GBE1: variants seen among roughly 807,000 people sequenced by gnomAD.
The protein encoded by GBE1 is 1,4-alpha-glucan-branching enzyme.
A neutral mutation model predicts 88.8 loss-of-function variants in GBE1; 70 were observed. The observed-to-expected ratio is 0.79, with a 90% confidence interval of 0.65 to 0.96. The LOEUF (loss-of-function observed/expected upper bound fraction) is 0.96. GBE1 is among the 40% of genes least tolerant of loss of function. The probability of loss-of-function intolerance (pLI) is 0.00; values close to 1 mark genes in which losing one functional copy is unlikely to be tolerated. For synonymous variants in GBE1, 284 were observed against 300.1 expected, an observed-to-expected ratio of 0.95 and a Z score of 0.56; for missense variants, 872 against 871.0, an observed-to-expected ratio of 1.00 and a Z score of -0.01.
intron 3 of GBE1, among the ~76,000 whole-genome samples, chr3:81,669,989 C>T (rs1705167614): frequency 1.3e-5 from 2 of 151,744 alleles, no homozygotes; most frequent in African/African-American, 4.8e-5. Flanking sequence ...TAACAAATAC[C>T]AATAAAAACA....
chr3:81,750,524 C>CAT lies in GBE1; in HGVS notation c.143+10849_143+10850dup, dbSNP rs200708858. 1.2e-3 allele frequency among the ~76,000 whole-genome samples: 108 copies of CAT among 93,866 alleles called. 4 individuals are homozygous for CAT. Among genetic ancestry groups the CAT allele is most frequent in the Middle Eastern group, 4.9e-3 (1 of 206 alleles). The allele number at this position is 93,866 out of a possible 152,430, so 61.6% of individuals were successfully genotyped here. A position where few individuals can be genotyped will look rare whatever the true frequency, so the allele number is the denominator to read the frequency against. On this transcript the variant is annotated intron_variant, in intron 1 of 15. Coordinates refer to ENST00000429644, the MANE Select transcript of GBE1 (RefSeq NM_000158.4). ...GAAACCAATTTCATCTCAAAACATT[C>CAT]ATATATATATATACGTATATATATA...
chr3:81,729,196 G>A (rs1706154700), intron 1 of GBE1, among the ~76,000 whole-genome samples: 1 of 152,118 alleles, frequency 6.6e-6, no homozygotes, highest in Admixed American at 6.6e-5. Context: ...ACCAAAGCAT[G>A]TTTAGAAGGC....
chr3:81,555,814 G>T (rs927408161), intron 12 of GBE1, among the ~76,000 whole-genome samples: 2 of 152,132 alleles, frequency 1.3e-5, no homozygotes, highest in Non-Finnish European at 2.9e-5. Flanking sequence ...CCTTCAGTCA[G>T]AAAAGCATAA....
chr3:81,499,441 C>T lies in GBE1; in HGVS notation c.1935-214G>A, dbSNP rs10511103. Among the ~76,000 whole-genome samples the T allele has an allele frequency of 5.9e-5, 9 of 152,274 alleles. No homozygotes were observed. In the South Asian group the frequency reaches 1.2e-3, roughly 21 times the overall value. ...TGAGATCCCTGTTATACTTCCATCACGACTCACAAGTGATCACCCAGCCTG... is the reference window on the plus strand; with the variant it reads ...TGAGATCCCTGTTATACTTCCATCATGACTCACAAGTGATCACCCAGCCTG... On this transcript the variant is annotated intron_variant, in intron 14 of 15. Transcript: ENST00000429644.
At position 81,607,338 on chromosome 3, in the gene GBE1, C is replaced by T. The variant is rs544442622; in HGVS notation, c.993-13315G>A. 3.3e-5 allele frequency among the ~76,000 whole-genome samples: 5 copies of T among 152,172 alleles called. No individual in the cohort carries two copies. The South Asian group carries it at 1.0e-3, about 32-fold the overall frequency. ...GGCCAAGGTGGGTGGATCATGAGGTCAGGAGATCAGGACCATCCTGGCCCA... is the reference window on the plus strand; with the variant it reads ...GGCCAAGGTGGGTGGATCATGAGGTTAGGAGATCAGGACCATCCTGGCCCA... On this transcript the variant is annotated intron_variant, in intron 7 of 15. Coordinates refer to ENST00000429644, the MANE Select transcript of GBE1 (RefSeq NM_000158.4).
chr3:81,650,972 G>A (rs1406603173), intron 3 of GBE1, among the ~76,000 whole-genome samples: 1 of 152,176 alleles, frequency 6.6e-6, no homozygotes, highest in Non-Finnish European at 1.5e-5. Context: ...CAATGCAGCA[G>A]GCTGAAATTG....
chr3:81,718,349 AT>A (rs1705971651), intron 1 of GBE1, among the ~76,000 whole-genome samples: 1 of 152,202 alleles, frequency 6.6e-6, no homozygotes, highest in Non-Finnish European at 1.5e-5. Context: ...AATATTACAA[AT>A]TGTAAATTAT....
chr3:81,751,642 A>C (rs1002466569), intron 1 of GBE1, among the ~76,000 whole-genome samples: 1 of 152,248 alleles, frequency 6.6e-6, no homozygotes, highest in Non-Finnish European at 1.5e-5. Context: ...AGGATAATAT[A>C]GCAGAAGATA....
At chr3:81,610,392 A>G (rs1430107306) in intron 7 of GBE1, among the ~76,000 whole-genome samples, 1 of 152,228 alleles carries the variant, frequency 6.6e-6, no homozygotes, top group Non-Finnish European at 1.5e-5. Context: ...GAAGATAAAT[A>G]TGTTCTTGTG....
chr3:81,556,231 TTTAC>T (rs1703346969), intron 12 of GBE1, among the ~76,000 whole-genome samples: 1 of 152,016 alleles, frequency 6.6e-6, no homozygotes, highest in Non-Finnish European at 1.5e-5. Flanking sequence ...ATATTTAATG[TTTAC>T]TTAATGTCAA....
intron 7 of GBE1, among the ~76,000 whole-genome samples, chr3:81,619,490 TTGAG>T (rs1704297003): frequency 6.6e-6 from 1 of 152,136 alleles, no homozygotes; most frequent in Non-Finnish European, 1.5e-5. Flanking sequence ...TTTATTTCAT[TTGAG>T]TGTATATGTC....
intron 2 of GBE1, among the ~76,000 whole-genome samples, chr3:81,671,663 T>C (rs1212614693): frequency 6.6e-6 from 1 of 152,124 alleles, no homozygotes; most frequent in Non-Finnish European, 1.5e-5. Flanking sequence ...CCCCAAATCA[T>C]TTGAACATGG....
intron 14 of GBE1, among the ~76,000 whole-genome samples, chr3:81,533,895 A>T (rs569581913): frequency 9.2e-5 from 14 of 152,044 alleles, no homozygotes; most frequent in African/African-American, 3.4e-4. Flanking sequence ...CCATTTGGAC[A>T]TTGCTGGCAC....
chr3:81,657,150 A>T (rs1402055416), intron 3 of GBE1, among the ~76,000 whole-genome samples: 1 of 148,820 alleles, frequency 6.7e-6, no homozygotes, highest in Non-Finnish European at 1.5e-5. Flanking sequence ...AAAAAAAAAC[A>T]AAACAAAAAA....
At chr3:81,598,874 T>C (rs1168681051) in intron 7 of GBE1, among the ~76,000 whole-genome samples, 2 of 151,918 alleles carry the variant, frequency 1.3e-5, no homozygotes, top group Non-Finnish European at 2.9e-5. Flanking sequence ...GAAGTTTTCT[T>C]TTCAATATCA....
chr3:81,602,560 A>G (rs1704047961), intron 7 of GBE1, among the ~76,000 whole-genome samples: 1 of 152,088 alleles, frequency 6.6e-6, no homozygotes, highest in African/African-American at 2.4e-5. Context: ...CATGGTAGAA[A>G]GAGTGTGAGG....
chr3:81,698,161 C>G (rs576044153), intron 2 of GBE1, among the ~76,000 whole-genome samples: 79 of 150,892 alleles, frequency 5.2e-4, no homozygotes, highest in African/African-American at 1.7e-3. Flanking sequence ...AAAAATAATC[C>G]CATTAGGCAT....
intron 7 of GBE1, among the ~76,000 whole-genome samples, chr3:81,615,133 G>A (rs754414495): frequency 6.6e-6 from 1 of 152,128 alleles, no homozygotes; most frequent in Non-Finnish European, 1.5e-5. Flanking sequence ...ATGCCGTCAA[G>A]AGGGAATACT....
chr3:81,756,309 G>C (rs1241648421), intron 1 of GBE1, among the ~76,000 whole-genome samples: 1 of 152,108 alleles, frequency 6.6e-6, no homozygotes, highest in African/African-American at 2.4e-5. Flanking sequence ...AACTACTCCT[G>C]TTCCCTGTTC....
Sources: gnomAD v4.1 joint callset for allele counts (sites outside exome capture counted in the v4.1 genomes callset) on GRCh38, gnomAD v4.1.1 for gene constraint, MANE v1.5 for transcripts, NCBI Gene and HGNC (gene_info 2026-07-23, HGNC 2026-07-21) for gene names.